RAD54B: variants seen among roughly 807,000 people sequenced by gnomAD.
RAD54B encodes the protein DNA repair and recombination protein RAD54B.
Under a neutral mutation model 95.8 loss-of-function variants are expected in RAD54B, and 78 were observed. The observed-to-expected ratio is 0.81, with a 90% CI of 0.68 to 0.98. RAD54B has a LOEUF of 0.98. Among genes scored for constraint, RAD54B ranks in the 50% least tolerant of loss-of-function variants. RAD54B has a pLI of 0.00. For synonymous variants in RAD54B, 328 were observed against 354.9 expected (o/e 0.92, Z 0.85); for missense variants, 957 against 1,056.6 (o/e 0.91, Z 1.31).
chr8:94,465,699 T>C (rs1369581774), intron 2 of RAD54B, among the ~76,000 whole-genome samples: 1 of 152,076 alleles, frequency 6.6e-6, no homozygotes, highest in Non-Finnish European at 1.5e-5. Flanking sequence ...AAACAGAAAC[T>C]TGGATGCCAA....
intron 3 of RAD54B, among the ~76,000 whole-genome samples, chr8:94,439,686 G>A (rs1332155934): frequency 2.6e-5 from 4 of 151,892 alleles, no homozygotes; most frequent in Non-Finnish European, 5.9e-5. Flanking sequence ...AGGCGGGGGC[G>A]GGGTGGCGGC....
At chr8:94,473,213 T>C (rs1212630996) in intron 1 of RAD54B, among the ~76,000 whole-genome samples, 3 of 152,230 alleles carry the variant, frequency 2.0e-5, no homozygotes, top group Non-Finnish European at 4.4e-5. Context: ...AATAAAGCCA[T>C]TTGGTAGCCC....
intron 3 of RAD54B, among the ~76,000 whole-genome samples, chr8:94,438,547 C>T (rs186088552): frequency 5.6e-4 from 85 of 151,998 alleles, no homozygotes; most frequent in Non-Finnish European, 1.8e-4. Context: ...TAAAAGAGAA[C>T]CAAAGAAAGA....
chr8:94,374,848 G>T (rs1184807119), intron 14 of RAD54B, among the ~76,000 whole-genome samples: 13 of 152,078 alleles, frequency 8.5e-5, no homozygotes, highest in Non-Finnish European at 1.9e-4. Flanking sequence ...AAAAAATTAG[G>T]TTGTTAATGT....
At chr8:94,467,827 T>G (rs1349782001) in intron 1 of RAD54B, 1 of 260,726 alleles carries the variant, frequency 3.8e-6, no homozygotes, top group Non-Finnish European at 7.3e-6. Flanking sequence ...GACAAAATGT[T>G]TGGTTCCCTC....
chr8:94,473,426 T>C (rs1280679503), intron 1 of RAD54B, among the ~76,000 whole-genome samples: 2 of 152,226 alleles, frequency 1.3e-5, no homozygotes, highest in Non-Finnish European at 2.9e-5. Context: ...ACAGTTTACT[T>C]TGGCTCCATG....
intron 3 of RAD54B, among the ~76,000 whole-genome samples, chr8:94,438,326 T>G (rs1812319098): frequency 6.6e-6 from 1 of 152,248 alleles, no homozygotes; most frequent in Admixed American, 6.5e-5. Flanking sequence ...TGCTAGATGT[T>G]GTCTGGTATA....
intron 3 of RAD54B, among the ~76,000 whole-genome samples, chr8:94,449,609 C>CAAA (rs369471365): frequency 1.2e-4 from 8 of 66,642 alleles, no homozygotes; most frequent in African/African-American, 1.2e-4. Context: ...ACTCTGTCTC[C>CAAA]AAAAAAAAAA....
intron 1 of RAD54B, among the ~76,000 whole-genome samples, chr8:94,473,013 G>T (rs139233894): frequency 6.6e-6 from 1 of 151,988 alleles, no homozygotes; most frequent in Non-Finnish European, 1.5e-5. Context: ...ACTTACATAT[G>T]ACCTTGGGCA....
At chr8:94,442,070 G>A (rs1812409797) in intron 3 of RAD54B, among the ~76,000 whole-genome samples, 1 of 152,158 alleles carries the variant, frequency 6.6e-6, no homozygotes, top group Admixed American at 6.5e-5. Flanking sequence ...TATAAAAAAT[G>A]AAATCCTGAC....
rs1811874471 is a variant in RAD54B at position 94,423,618 on chromosome 8, C to A, written c.305-12303G>T. Among the ~76,000 whole-genome samples the A allele has an allele frequency of 2.0e-5, 3 of 152,126 alleles. No homozygotes were observed. The South Asian group carries it at 6.2e-4, about 32-fold the overall frequency. ...ATCCAACAAATTTTAGTCAAGAAAA[C>A]TTAACCAGTTTTTAGATAAATTTGT... On this transcript the variant is annotated intron_variant, in intron 3 of 14. Transcript: ENST00000336148.
intron 3 of RAD54B, among the ~76,000 whole-genome samples, chr8:94,441,335 C>T (rs966406360): frequency 6.6e-6 from 1 of 152,134 alleles, no homozygotes; most frequent in African/African-American, 2.4e-5. Context: ...CAAGTCTGGG[C>T]CTCCAGAACA....
At chr8:94,384,616 T>C (rs1412416861) in intron 11 of RAD54B, among the ~76,000 whole-genome samples, 1 of 152,124 alleles carries the variant, frequency 6.6e-6, no homozygotes, top group Admixed American at 6.5e-5. Context: ...TGAATGTACT[T>C]AACACTACAG....
In RAD54B at chr8:94,378,318, C is replaced by CT. The variant is rs1563633759; in HGVS notation, c.2376_2377insA (p.Val793SerfsTer8). 3 of 1,613,990 alleles carry CT rather than the reference C, an allele frequency of 1.9e-6. No homozygotes were observed. Among genetic ancestry groups the CT allele is most frequent in the Non-Finnish European group, 2.5e-6 (3 of 1,179,966 alleles). On this transcript the variant is annotated frameshift_variant, in exon 14 of 15. Transcript: ENST00000336148. LOFTEE classifies it high-confidence loss of function. Reference sequence around the variant, plus strand: ...TGTTCAGATGTCTTGGTGAGGTCGACAACTGCCCCACAAAGACCTTGCTTA... The same window carrying CT: ...TGTTCAGATGTCTTGGTGAGGTCGACTAACTGCCCCACAAAGACCTTGCTTA...
chr8:94,473,710 C>T (rs1196048937), intron 1 of RAD54B, among the ~76,000 whole-genome samples: 4 of 152,162 alleles, frequency 2.6e-5, no homozygotes, highest in Non-Finnish European at 5.9e-5. Context: ...AACCATCAAA[C>T]GTCGAGGATG....
intron 11 of RAD54B, 67 bp from the exon 12 acceptor site, chr8:94,380,473 G>C: frequency 1.4e-6 from 2 of 1,427,310 alleles, no homozygotes; most frequent in Non-Finnish European, 1.9e-6. Flanking sequence ...TTAGTTGAAA[G>C]AAAATACCAC....
intron 3 of RAD54B, among the ~76,000 whole-genome samples, chr8:94,449,718 T>C (rs935052): frequency 0.56 from 85,559 of 151,994 alleles, 26,160 homozygotes; most frequent in East Asian, 0.82. Flanking sequence ...AAACATCCTT[T>C]AGGATGATTT....
chr8:94,409,677 A>G (rs2470734), intron 4 of RAD54B, among the ~76,000 whole-genome samples: 133,827 of 152,196 alleles, frequency 0.88, 59,733 homozygotes, highest in Non-Finnish European at 0.96. Context: ...AGCACCTCAG[A>G]TGATTCTACT....
intron 10 of RAD54B, among the ~76,000 whole-genome samples, chr8:94,388,307 AATAAAT>A (rs1350377395): frequency 1.1e-4 from 17 of 152,174 alleles, no homozygotes; most frequent in African/African-American, 3.4e-4. Context: ...CTTACTGAAT[AATAAAT>A]ATATTTTCTC....
Sources: gnomAD v4.1 joint callset for allele counts (sites outside exome capture counted in the v4.1 genomes callset) on GRCh38, gnomAD v4.1.1 for gene constraint, MANE v1.5 for transcripts, NCBI Gene and HGNC (gene_info 2026-07-23, HGNC 2026-07-21) for gene names.